Variants in ADGRD1 observed in about 807,000 individuals in gnomAD.
ADGRD1 encodes G-protein coupled receptor 133.
In ADGRD1, 77 loss-of-function variants were observed where a neutral mutation model predicts 113.4. The ratio of observed to expected loss-of-function variants is 0.68; its 90% CI spans 0.57 to 0.82. ADGRD1 has a LOEUF of 0.82. Among genes scored for constraint, ADGRD1 ranks in the 40% least tolerant of loss-of-function variants. The pLI is 0.00. For missense variants in ADGRD1, 1,036 were observed against 1,139.1 expected, an observed-to-expected ratio of 0.91 and a Z score of 1.30; for synonymous variants, 474 against 475.0, an observed-to-expected ratio of 1.00 and a Z score of 0.03.
chr12:131,139,145 G>A, intron 24 of ADGRD1, 23 bp from the exon 25 acceptor site: 1 of 1,597,128 alleles, frequency 6.3e-7, no homozygotes, highest in African/African-American at 1.3e-5. Flanking sequence ...GCCCTTCACT[G>A]CTCATCCCTT....
chr12:131,105,058 A>G, intron 16 of ADGRD1, 124 bp downstream of exon 16: 1 of 679,464 alleles, frequency 1.5e-6, no homozygotes, highest in Non-Finnish European at 2.4e-6. Flanking sequence ...CTTAGCTGGA[A>G]AGGTCTGGAA....
At chr12:131,031,882 C>G (rs1006385576) in intron 13 of ADGRD1, among the ~76,000 whole-genome samples, 3 of 152,212 alleles carry the variant, frequency 2.0e-5, no homozygotes, top group Non-Finnish European at 4.4e-5. Context: ...CCCGCACATG[C>G]CAGGTGCCTA....
chr12:131,016,303 C>T (rs554889460), intron 13 of ADGRD1, among the ~76,000 whole-genome samples: 1 of 152,268 alleles, frequency 6.6e-6, no homozygotes, highest in Non-Finnish European at 1.5e-5. Context: ...CCCTTCCCCC[C>T]TGCCCGCAGT....
At chr12:131,016,739 A>G (rs1455270013) in intron 13 of ADGRD1, among the ~76,000 whole-genome samples, 1 of 152,190 alleles carries the variant, frequency 6.6e-6, no homozygotes, top group Non-Finnish European at 1.5e-5. Context: ...CTAAAAATAC[A>G]AAAATCAGCC....
chr12:131,031,146 C>T (rs771995982), intron 13 of ADGRD1, among the ~76,000 whole-genome samples: 44 of 152,296 alleles, frequency 2.9e-4, no homozygotes, highest in African/African-American at 9.9e-4. Context: ...GCTCCACTGC[C>T]GGAAGCTCTG....
intron 8 of ADGRD1, among the ~76,000 whole-genome samples, chr12:130,999,552 G>A (rs1180858059): frequency 3.3e-5 from 5 of 152,314 alleles, no homozygotes; most frequent in East Asian, 3.9e-4. Flanking sequence ...TGGAGATGGC[G>A]GTTTGGTGGA....
intron 9 of ADGRD1, among the ~76,000 whole-genome samples, chr12:131,000,677 G>C (rs1876254690): frequency 6.7e-6 from 1 of 148,248 alleles, no homozygotes; most frequent in Non-Finnish European, 1.5e-5. Flanking sequence ...GGAGGCGGAG[G>C]TTGCAGTGAG....
In ADGRD1 at chr12:131,078,108, C is replaced by T. The variant is rs1292400217; in HGVS notation, c.1547+1234C>T. 2.6e-5 allele frequency among the ~76,000 whole-genome samples: 4 copies of T among 152,092 alleles called. No individual in the cohort carries two copies. The East Asian group carries it at 7.7e-4, about 29-fold the overall frequency. ...CCTCCTGCTGCTTCAGGGCAGGATCCACACAGGCTGTGCCACCTCTGCTGG... is the reference window on the plus strand; with the variant it reads ...CCTCCTGCTGCTTCAGGGCAGGATCTACACAGGCTGTGCCACCTCTGCTGG... On this transcript the variant is annotated intron_variant, in intron 14 of 24. Coordinates refer to ENST00000261654, the MANE Select transcript of ADGRD1 (RefSeq NM_198827.5).
chr12:131,138,921 C>T (rs1011665551), intron 24 of ADGRD1, among the ~76,000 whole-genome samples: 9 of 152,152 alleles, frequency 5.9e-5, no homozygotes, highest in South Asian at 2.1e-4. Context: ...AGGGAGTGAG[C>T]GCTCAGCACA....
chr12:131,135,547 G>A (rs1382812015), intron 21 of ADGRD1, among the ~76,000 whole-genome samples: 1 of 152,262 alleles, frequency 6.6e-6, no homozygotes. Flanking sequence ...GGGGACACGC[G>A]GGCTGCAGCC....
intron 13 of ADGRD1, among the ~76,000 whole-genome samples, chr12:131,030,050 C>G (rs989969427): frequency 8.4e-5 from 12 of 142,612 alleles, no homozygotes; most frequent in Non-Finnish European, 1.2e-4. Flanking sequence ...GTGACATTTC[C>G]AGGCTCTGGG....
chr12:131,108,259 G>A (rs887794519), intron 17 of ADGRD1, among the ~76,000 whole-genome samples: 2 of 152,184 alleles, frequency 1.3e-5, no homozygotes, highest in African/African-American at 2.4e-5. Context: ...CAGCATGTAG[G>A]GTTCAGCCAC....
chr12:131,032,080 T>A (rs917469547), intron 13 of ADGRD1, among the ~76,000 whole-genome samples: 3 of 152,180 alleles, frequency 2.0e-5, no homozygotes, highest in African/African-American at 7.2e-5. Flanking sequence ...AATGCAGCCC[T>A]TAGCCCTGAG....
intron 18 of ADGRD1, among the ~76,000 whole-genome samples, chr12:131,116,299 G>A (rs1484877866): frequency 6.6e-6 from 1 of 152,206 alleles, no homozygotes; most frequent in Non-Finnish European, 1.5e-5. Flanking sequence ...TCACTGCTGG[G>A]CCCCAACTGT....
At chr12:131,076,232 G>A (rs1203821549) in intron 13 of ADGRD1, among the ~76,000 whole-genome samples, 1 of 152,180 alleles carries the variant, frequency 6.6e-6, no homozygotes, top group African/African-American at 2.4e-5. Flanking sequence ...CCGTGAATGA[G>A]ACAGAAGCTC....
chr12:130,964,878 G>GAAAGA (rs1870835143), intron 2 of ADGRD1, among the ~76,000 whole-genome samples: 1 of 151,930 alleles, frequency 6.6e-6, no homozygotes, highest in East Asian at 1.9e-4. Flanking sequence ...ATCCTCTTCT[G>GAAAGA]TTTCTTCTCC....
intron 13 of ADGRD1, among the ~76,000 whole-genome samples, chr12:131,053,074 G>A (rs1883544745): frequency 6.6e-6 from 1 of 152,246 alleles, no homozygotes. Context: ...GATCCTTTCT[G>A]CACAGGCCTG....
rs890074965 is a variant in ADGRD1 at position 131,022,024 on chromosome 12, T to C, written c.1473+7684T>C. On this transcript the variant is annotated intron_variant, in intron 13 of 24. Transcript: ENST00000261654. This position sits in a 1 kb window ranked among gnomAD's most constrained non-coding sequence, Gnocchi z 4.6. ...CGGCCCTGATCTCTTCTTATAAGGA[T>C]ACTGGTCACGTTGGATTAGGGCCTA... Among the ~76,000 whole-genome samples, 3 of 152,158 alleles carry C rather than the reference T, an allele frequency of 2.0e-5. No individual in the cohort carries two copies. Among genetic ancestry groups the C allele is most frequent in the Non-Finnish European group, 4.4e-5 (3 of 68,042 alleles).
intron 15 of ADGRD1, among the ~76,000 whole-genome samples, chr12:131,097,124 G>T (rs1887343023): frequency 6.6e-6 from 1 of 152,172 alleles, no homozygotes; most frequent in East Asian, 1.9e-4. Flanking sequence ...CCTCCCGAGG[G>T]TTAGCAATTC....
Sources: allele counts gnomAD v4.1 joint callset (sites outside exome capture counted in the v4.1 genomes callset), GRCh38; gene constraint gnomAD v4.1.1; non-coding constraint Gnocchi (gnomAD v3.1); transcripts MANE v1.5; gene names NCBI Gene and HGNC (gene_info 2026-07-23, HGNC 2026-07-21).